The following FYTTD1 variants were observed in gnomAD, a reference collection of about 807,000 sequenced individuals.
The protein encoded by FYTTD1 is forty-two-three domain containing 1, also known as UAP56-interacting factor.
Under a neutral mutation model 40.9 loss-of-function variants are expected in FYTTD1, and 22 were observed. The ratio of observed to expected loss-of-function variants is 0.54; its 90% confidence interval spans 0.38 to 0.77. The LOEUF is 0.77. FYTTD1 is among the 30% of genes least tolerant of loss of function. FYTTD1 has a pLI of 0.00. For missense variants in FYTTD1, 351 were observed against 392.2 expected (o/e 0.90, Z 0.89); for synonymous variants, 140 against 137.9 (o/e 1.01, Z -0.10).
At chr3:197,770,672 T>C (rs1015668732) in intron 4 of FYTTD1, among the ~76,000 whole-genome samples, 10 of 152,076 alleles carry the variant, frequency 6.6e-5, no homozygotes, top group African/African-American at 2.4e-4. Context: ...ATCAGCCTCC[T>C]GAGTAGCTGG....
intron 7 of FYTTD1, 29 bp from the exon 8 acceptor site, chr3:197,778,309 G>T (rs1263632389): frequency 6.4e-7 from 1 of 1,556,736 alleles, no homozygotes; most frequent in South Asian, 1.2e-5. Context: ...TTGTTAAGCT[G>T]CTCTGATATT....
intron 6 of FYTTD1, among the ~76,000 whole-genome samples, chr3:197,776,612 C>G (rs2109053606): frequency 1.3e-5 from 2 of 151,944 alleles, no homozygotes; most frequent in Non-Finnish European, 2.9e-5. Flanking sequence ...AGTGCTGCCT[C>G]TGGAGAGTAG....
At chr3:197,760,403 T>G (rs1222173466) in intron 2 of FYTTD1, among the ~76,000 whole-genome samples, 2 of 151,850 alleles carry the variant, frequency 1.3e-5, no homozygotes, top group African/African-American at 4.8e-5. Flanking sequence ...TGTTCTTCAG[T>G]GGTAGAATGT....
rs373758607 is a variant in FYTTD1 at position 197,773,853 on chromosome 3, C to T, written c.595-296C>T. ...AGGAAGTTCTAGAATAGCACGGGCCCCTCCGCTGCACTCACGCACACGCCC... is the reference window on the plus strand; with the variant it reads ...AGGAAGTTCTAGAATAGCACGGGCCTCTCCGCTGCACTCACGCACACGCCC... On this transcript the variant is annotated intron_variant, in intron 5 of 8. Transcript: ENST00000241502. 1.0e-4 allele frequency among the ~76,000 whole-genome samples: 15 copies of T among 146,220 alleles called. No individual in the cohort carries two copies. In the South Asian group the frequency reaches 1.5e-3, roughly 14 times the overall value.
intron 2 of FYTTD1, among the ~76,000 whole-genome samples, chr3:197,757,868 T>C (rs1729255340): frequency 6.6e-6 from 1 of 152,244 alleles, no homozygotes; most frequent in African/African-American, 2.4e-5. Flanking sequence ...GACAGGTATT[T>C]AACTGTAGCA....
At chr3:197,766,430 GGTGTGTGT>G (rs111725145) in intron 2 of FYTTD1, among the ~76,000 whole-genome samples, 19 of 135,072 alleles carry the variant, frequency 1.4e-4, no homozygotes, top group African/African-American at 4.6e-4. Flanking sequence ...GTTTGAGACT[GGTGTGTGT>G]GTGTGTGTGT....
chr3:197,750,949 G>A, intron 1 of FYTTD1: 2 of 610,224 alleles, frequency 3.3e-6, no homozygotes, highest in Non-Finnish European at 4.1e-6. Context: ...CAGCCGCTGT[G>A]GTTAGCTTAG....
intron 2 of FYTTD1, among the ~76,000 whole-genome samples, chr3:197,767,378 T>A (rs1431435398): frequency 6.6e-6 from 1 of 151,584 alleles, no homozygotes; most frequent in Admixed American, 6.6e-5. Context: ...GACCTTGTGA[T>A]CCACCTGCCT....
At chr3:197,754,036 G>T (rs767021607) in intron 1 of FYTTD1, among the ~76,000 whole-genome samples, 2 of 152,014 alleles carry the variant, frequency 1.3e-5, no homozygotes, top group African/African-American at 2.4e-5. Flanking sequence ...TACCGCACCC[G>T]GCCTATATGC....
In FYTTD1 at chr3:197,779,141, G is replaced by A. The variant is rs985834599; in HGVS notation, c.858+677G>A. ...ACAAAATTGTCAAAACCAACCAGGTGCGGTGGCTCACGCCTGTAATCCCAG... is the reference window on the plus strand; with the variant it reads ...ACAAAATTGTCAAAACCAACCAGGTACGGTGGCTCACGCCTGTAATCCCAG... On this transcript the variant is annotated intron_variant, in intron 8 of 8. Transcript: ENST00000241502. Among the ~76,000 whole-genome samples, 4 of 152,170 alleles carry A rather than the reference G, an allele frequency of 2.6e-5. No individual in the cohort carries two copies. In the East Asian group the frequency reaches 7.7e-4, roughly 29 times the overall value.
chr3:197,771,057 A>G (rs1729701242), intron 4 of FYTTD1, among the ~76,000 whole-genome samples: 1 of 152,116 alleles, frequency 6.6e-6, no homozygotes, highest in Non-Finnish European at 1.5e-5. Flanking sequence ...ATAAAAACCA[A>G]AAATTATGGC....
chr3:197,762,835 T>G (rs1397848900), intron 2 of FYTTD1, among the ~76,000 whole-genome samples: 4 of 151,556 alleles, frequency 2.6e-5, no homozygotes, highest in African/African-American at 9.7e-5. Context: ...TGAGCCGAGA[T>G]CGCGGCCACT....
chr3:197,770,100 T>C (rs1317330770), intron 3 of FYTTD1, 32 bp from the exon 4 acceptor site: 1 of 1,325,832 alleles, frequency 7.5e-7, no homozygotes, highest in Non-Finnish European at 1.1e-6. Context: ...AAAAATGCAA[T>C]TTGATTAACA....
At position 197,783,435 on chromosome 3, in the gene FYTTD1, C is replaced by T. The variant is rs540818690; in HGVS notation, c.*1526C>T. ...TTCTTGAGTTGCTTCATGGTTTATG[C>T]TCGCCATGGAAAGCTATCAGTAACA... On this transcript the variant is annotated 3_prime_UTR_variant, in exon 9 of 9. Transcript: ENST00000241502. The T allele has an allele frequency of 1.3e-5, 2 of 152,624 alleles. No individual in the cohort carries two copies. The highest frequency in any genetic ancestry group is 3.8e-4 in the East Asian group (2 of 5,196). The allele number at this position is 152,624 out of a possible 1,614,324, so 9.5% of individuals were successfully genotyped here.
At chr3:197,776,155 A>C (rs1180799687) in intron 6 of FYTTD1, among the ~76,000 whole-genome samples, 1 of 152,128 alleles carries the variant, frequency 6.6e-6, no homozygotes, top group Non-Finnish European at 1.5e-5. Flanking sequence ...CATGGTGGGT[A>C]AGGAAACTGG....
chr3:197,759,383 G>C (rs142089090), intron 2 of FYTTD1, among the ~76,000 whole-genome samples: 1 of 152,092 alleles, frequency 6.6e-6, no homozygotes, highest in South Asian at 2.1e-4. Context: ...GTGTTCTTCA[G>C]TGGTAGAACG....
intron 1 of FYTTD1, among the ~76,000 whole-genome samples, chr3:197,751,401 A>C (rs1560490217): frequency 6.6e-6 from 1 of 151,912 alleles, no homozygotes; most frequent in South Asian, 2.1e-4. Context: ...AGCCCTTTGA[A>C]GGCGGAGGCG....
At chr3:197,761,142 G>A (rs887948593) in intron 2 of FYTTD1, among the ~76,000 whole-genome samples, 2 of 151,710 alleles carry the variant, frequency 1.3e-5, no homozygotes, top group Non-Finnish European at 2.9e-5. Context: ...AGAATGTATA[G>A]AGTTGTTCTT....
At chr3:197,770,714 A>ATT (rs995667608) in intron 4 of FYTTD1, among the ~76,000 whole-genome samples, 6 of 144,146 alleles carry the variant, frequency 4.2e-5, no homozygotes, top group East Asian at 2.0e-4. Context: ...TGCCCTGCTA[A>ATT]TTTTTTTTTT....
Sources: gnomAD v4.1 joint callset for allele counts (sites outside exome capture counted in the v4.1 genomes callset) on GRCh38, gnomAD v4.1.1 for gene constraint, MANE v1.5 for transcripts, NCBI Gene and HGNC (gene_info 2026-07-23, HGNC 2026-07-21) for gene names.